The following NAALADL2 variants were observed in gnomAD, a reference collection of about 807,000 sequenced individuals.
NAALADL2 encodes the protein inactive N-acetylated-alpha-linked acidic dipeptidase-like protein 2.
In NAALADL2, 76 loss-of-function variants were observed where a neutral mutation model predicts 87.2. That is an observed-to-expected ratio of 0.87 (90% CI 0.72 to 1.05). The LOEUF is 1.05. NAALADL2 is among the 50% of genes least tolerant of loss of function. The pLI is 0.00. For synonymous variants in NAALADL2, 354 were observed against 331.0 expected (o/e 1.07, Z -0.75); for missense variants, 1,089 against 945.8 (o/e 1.15, Z -1.99).
chr3:174,667,989 A>G (rs185768405), intron 2 of NAALADL2, among the ~76,000 whole-genome samples: 179 of 152,190 alleles, frequency 1.2e-3, no homozygotes, highest in African/African-American at 3.9e-3. Flanking sequence ...CCTGCCAGCA[A>G]TGCACCAGGG....
chr3:175,167,861 C>A (rs771697127), intron 2 of NAALADL2, among the ~76,000 whole-genome samples: 2 of 151,914 alleles, frequency 1.3e-5, no homozygotes, highest in African/African-American at 2.4e-5. Flanking sequence ...TTTTTTATTA[C>A]AGTTTTGCAG....
intron 13 of NAALADL2, among the ~76,000 whole-genome samples, chr3:175,771,819 A>G (rs913793169): frequency 6.6e-6 from 1 of 152,180 alleles, no homozygotes; most frequent in Non-Finnish European, 1.5e-5. Flanking sequence ...TTATTTATAA[A>G]GGAAAGAGGT....
intron 1 of NAALADL2, among the ~76,000 whole-genome samples, chr3:174,883,734 C>A (rs1163005398): frequency 1.3e-5 from 2 of 152,156 alleles, no homozygotes; most frequent in African/African-American, 4.8e-5. Flanking sequence ...ATTCCCTTTG[C>A]CTTCAGCAAG....
chr3:174,708,772 A>G (rs897046221), intron 2 of NAALADL2, among the ~76,000 whole-genome samples: 5 of 152,150 alleles, frequency 3.3e-5, no homozygotes, highest in Non-Finnish European at 7.4e-5. Context: ...TCTTGTGTTT[A>G]GACCTAGGAA....
intron 9 of NAALADL2, among the ~76,000 whole-genome samples, chr3:175,569,619 A>ATC (rs368218434): frequency 5.9e-5 from 9 of 151,540 alleles, no homozygotes; most frequent in Non-Finnish European, 1.0e-4. Context: ...TAGATACAAG[A>ATC]TCTCTCTCTC....
chr3:174,746,534 C>G (rs139701821), intron 3 of NAALADL2, among the ~76,000 whole-genome samples: 1 of 151,996 alleles, frequency 6.6e-6, no homozygotes, highest in East Asian at 1.9e-4. Context: ...CAGTGGTGTT[C>G]CCATTAAACT....
chr3:174,603,577 A>C (rs1000780533), intron 2 of NAALADL2, among the ~76,000 whole-genome samples: 1 of 150,580 alleles, frequency 6.6e-6, no homozygotes, highest in Non-Finnish European at 1.5e-5. Flanking sequence ...TTTATCTTTT[A>C]TGTATTTTTT....
chr3:175,534,525 G>A (rs192239457), intron 9 of NAALADL2, among the ~76,000 whole-genome samples: 10 of 152,108 alleles, frequency 6.6e-5, no homozygotes, highest in Admixed American at 2.0e-4. Context: ...TGCTGGTGAC[G>A]TAAAATAAAA....
chr3:175,005,843 A>T (rs1748947737), intron 1 of NAALADL2, among the ~76,000 whole-genome samples: 1 of 152,216 alleles, frequency 6.6e-6, no homozygotes, highest in African/African-American at 2.4e-5. Flanking sequence ...TTTAAAGCAG[A>T]CTTTGGGCTT....
At chr3:174,662,886 G>T (rs139588307) in intron 2 of NAALADL2, among the ~76,000 whole-genome samples, 176 of 152,264 alleles carry the variant, frequency 1.2e-3, no homozygotes, top group African/African-American at 3.9e-3. Flanking sequence ...TCTTCATGAT[G>T]TTATCAGTGG....
chr3:174,761,760 T>TC (rs1560203019), intron 3 of NAALADL2, among the ~76,000 whole-genome samples: 1 of 108,466 alleles, frequency 9.2e-6, no homozygotes, highest in African/African-American at 3.5e-5. Flanking sequence ...ATGCTAACCC[T>TC]CCCCCCACCC....
At chr3:175,009,729 A>G (rs1290667384) in intron 1 of NAALADL2, among the ~76,000 whole-genome samples, 1 of 152,158 alleles carries the variant, frequency 6.6e-6, no homozygotes, top group Non-Finnish European at 1.5e-5. Flanking sequence ...GTCACAAAAT[A>G]CTTTCTTAGT....
At chr3:175,226,290 T>G (rs531626954) in intron 2 of NAALADL2, among the ~76,000 whole-genome samples, 1 of 152,272 alleles carries the variant, frequency 6.6e-6, no homozygotes, top group African/African-American at 2.4e-5. Flanking sequence ...TCCCAAACTG[T>G]GAAATTCATT....
chr3:174,746,167 A>G (rs1578763893), intron 3 of NAALADL2, among the ~76,000 whole-genome samples: 2 of 152,178 alleles, frequency 1.3e-5, no homozygotes, highest in African/African-American at 4.8e-5. Flanking sequence ...ACCTTATCTT[A>G]TATCTAGAAA....
chr3:175,537,900 G>A (rs969779878), intron 9 of NAALADL2, among the ~76,000 whole-genome samples: 3 of 152,088 alleles, frequency 2.0e-5, no homozygotes, highest in African/African-American at 7.2e-5. Context: ...CTATTTGGTA[G>A]GTTTCATATG....
At chr3:174,567,833 T>C (rs1391388757) in intron 2 of NAALADL2, among the ~76,000 whole-genome samples, 3 of 151,724 alleles carry the variant, frequency 2.0e-5, no homozygotes, top group Non-Finnish European at 4.4e-5. Context: ...ATAGTGATAG[T>C]TATTATTATC....
At chr3:175,049,624 G>T (rs1755115124) in intron 1 of NAALADL2, among the ~76,000 whole-genome samples, 1 of 152,148 alleles carries the variant, frequency 6.6e-6, no homozygotes, top group Non-Finnish European at 1.5e-5. Flanking sequence ...CACATTCCAG[G>T]TAAGGGGAAA....
intron 5 of NAALADL2, among the ~76,000 whole-genome samples, chr3:175,407,623 A>G (rs1015477512): frequency 5.3e-5 from 8 of 152,184 alleles, no homozygotes; most frequent in Non-Finnish European, 1.0e-4. Context: ...AGAAAAAGAG[A>G]TACTTAGCAC....
intron 10 of NAALADL2, among the ~76,000 whole-genome samples, chr3:175,590,211 AATATATATATATATATATATAT>A (rs66991809): frequency 8.4e-4 from 5 of 5,974 alleles, no homozygotes; most frequent in South Asian, 6.5e-3. Flanking sequence ...GACTCCGTCT[AATATATATATATATATATATAT>A]ATATATATAT....
Sources: allele counts gnomAD v4.1 joint callset (sites outside exome capture counted in the v4.1 genomes callset), GRCh38; gene constraint gnomAD v4.1.1; transcripts MANE v1.5; gene names NCBI Gene and HGNC (gene_info 2026-07-23, HGNC 2026-07-21).